Variants in CCDC9 observed in about 807,000 individuals in gnomAD.
The protein encoded by CCDC9 is coiled-coil domain-containing protein 9.
CCDC9 carries 52 observed loss-of-function variants against 65.6 expected under a neutral mutation model. The ratio of observed to expected loss-of-function variants is 0.79; its 90% CI spans 0.63 to 1.00. The LOEUF (loss-of-function observed/expected upper bound fraction) is 1.00. Ranked by LOEUF, CCDC9 falls within the 50% of genes least tolerant of loss-of-function variation. CCDC9 has a pLI of 0.00. For synonymous variants in CCDC9, 332 were observed against 280.3 expected (o/e 1.18, Z -1.84); for missense variants, 834 against 757.2 (o/e 1.10, Z -1.19).
chr19:47,258,139 C>G (rs993253986), intron 1 of CCDC9, 191 bp from the exon 2 acceptor site: 3 of 566,910 alleles, frequency 5.3e-6, no homozygotes, highest in African/African-American at 3.8e-5. Flanking sequence ...CCACAAAGAT[C>G]ATGAAAGGGC....
chr19:47,262,077 A>G (rs1263130044), intron 5 of CCDC9, among the ~76,000 whole-genome samples: 1 of 152,022 alleles, frequency 6.6e-6, no homozygotes, highest in Non-Finnish European at 1.5e-5. Context: ...TGTCACACAA[A>G]GACTCCAAAA....
intron 5 of CCDC9, among the ~76,000 whole-genome samples, chr19:47,262,363 T>C (rs1436284370): frequency 6.6e-6 from 1 of 152,026 alleles, no homozygotes; most frequent in Admixed American, 6.6e-5. Flanking sequence ...ATTACAGGTG[T>C]GCACCACCAC....
Position 47,271,274 on chromosome 19 carries a change from C to T in CCDC9, c.1192C>T (p.Pro398Ser). ...CCCTGACTTGCCTGTGTCCCCAAAGCCACCCGAGATCCCAGCTCCTGCCCA... is the reference window on the plus strand; with the variant it reads ...CCCTGACTTGCCTGTGTCCCCAAAGTCACCCGAGATCCCAGCTCCTGCCCA... The part of the protein sequence containing the change: ...ETSPKETPMQ[P>S]PEIPAPAHRP... The change falls in exon 12 of 12, where the codon CCA becomes TCA. Residue 398 changes from proline to serine, a missense_variant and splice_region_variant. Pro to Ser is a moderately conservative substitution (Grantham distance 74, BLOSUM62 -1). Coordinates refer to ENST00000221922, the MANE Select transcript of CCDC9 (RefSeq NM_015603.3). 6.2e-7 allele frequency: 1 copy of T among 1,612,088 alleles called. No individual in the cohort carries two copies. Among genetic ancestry groups the T allele is most frequent in the South Asian group, 1.1e-5 (1 of 90,714 alleles).
chr19:47,273,339 A>G (rs994565453), downstream of CCDC9: 9 of 1,229,864 alleles, frequency 7.3e-6, no homozygotes, highest in Non-Finnish European at 9.1e-6. Context: ...CCGCTGACTC[A>G]GCCCCTTCTC....
At position 47,266,736 on chromosome 19, in the gene CCDC9, C is replaced by G; in HGVS notation, c.846C>G (p.His282Gln). 1 of 1,612,146 alleles carries G rather than the reference C, an allele frequency of 6.2e-7. No individual in the cohort carries two copies. The highest frequency in any genetic ancestry group is 8.5e-7 in the Non-Finnish European group (1 of 1,179,240). Residue 282 changes from histidine to glutamine, a missense_variant, in exon 8 of 12, where the codon CAC becomes CAG. By Grantham distance (24) the His-to-Gln change is conservative. Transcript: ENST00000221922. ...TCGACCAGGAGCGGCTGCAGAGGCA[C>G]CGCAAGCCCACTGGCCAGTGGAGGC... ...EKIDQERLQRHRKPTGQWRRE... is the reference protein window; with the variant it reads ...EKIDQERLQRQRKPTGQWRRE...
chr19:47,260,454 G>A, intron 4 of CCDC9, 32 bp downstream of exon 4: 1 of 1,608,518 alleles, frequency 6.2e-7, no homozygotes, highest in South Asian at 1.1e-5. Flanking sequence ...GGGACCCTGA[G>A]GATGGGGAGG....
intron 10 of CCDC9, 150 bp downstream of exon 10, chr19:47,270,838 T>C: frequency 1.0e-6 from 1 of 995,962 alleles, no homozygotes; most frequent in Non-Finnish European, 1.4e-6. Flanking sequence ...TTTGAGGGGC[T>C]TGGGATCTGG....
At chr19:47,270,777 T>C in intron 10 of CCDC9, 89 bp downstream of exon 10, 1 of 1,388,062 alleles carries the variant, frequency 7.2e-7, no homozygotes, top group Non-Finnish European at 9.6e-7. Context: ...TGTGGGTACA[T>C]CTGTCTGTCC....
downstream of CCDC9, chr19:47,273,972 C>A: frequency 1.0e-6 from 1 of 985,040 alleles, no homozygotes; most frequent in Non-Finnish European, 1.2e-6. Flanking sequence ...GCAGGCCTCC[C>A]CGAATTCCTG....
rs199851405 is a variant in CCDC9, at chr19:47,271,648, G to A, written c.1566G>A (p.Pro522=). 87 of 1,603,278 alleles carry A rather than the reference G, an allele frequency of 5.4e-5. No individual in the cohort carries two copies. The highest frequency in any genetic ancestry group is 1.2e-4 in the South Asian group (11 of 90,574). ...CTCACCTGGCTGGCGCCCTCTCCCC[G>A]GGTGAGGCCTGGCCTTTTGAGAGTG... ...RTTHLAGALS[P]GEAWPFESV is the part of the protein sequence containing the mutation. The change falls in exon 12 of 12, where the codon CCG becomes CCA. Residue 522 remains proline, a synonymous_variant. Coordinates refer to ENST00000221922, the MANE Select transcript of CCDC9 (RefSeq NM_015603.3).
At position 47,271,157 on chromosome 19, in the gene CCDC9, C is replaced by T. The variant is rs147303084; in HGVS notation, c.1161C>T (p.Pro387=). 4.1e-5 allele frequency: 65 copies of T among 1,592,814 alleles called. No homozygotes were observed. The Middle Eastern group carries it at 5.0e-4, about 12-fold the overall frequency. Reference sequence around the variant, plus strand: ...CTGAGACTCCACAGCCTACTTCCCCCGAGACTTCCCCCAAGGAGACACCCA... The same window carrying T: ...CTGAGACTCCACAGCCTACTTCCCCTGAGACTTCCCCCAAGGAGACACCCA... The part of the protein sequence containing the change: ...PAPETPQPTS[P]ETSPKETPMQ... The change falls in exon 11 of 12, where the codon CCC becomes CCT. Residue 387 remains proline (P), a synonymous_variant. Coordinates refer to ENST00000221922, the MANE Select transcript of CCDC9 (RefSeq NM_015603.3).
downstream of CCDC9, chr19:47,273,970 C>T: frequency 7.1e-6 from 7 of 985,002 alleles, no homozygotes; most frequent in South Asian, 1.4e-4. Context: ...CCGCAGGCCT[C>T]CCCGAATTCC....
chr19:47,273,286 G>C, downstream of CCDC9: 1 of 933,188 alleles, frequency 1.1e-6, no homozygotes, highest in Non-Finnish European at 1.4e-6. Flanking sequence ...CTAGACGGGG[G>C]AGGGGTGCTG....
rs758468860 is a variant in CCDC9, at chr19:47,264,589, C to G, written c.463-14C>G. The stretch of plus-strand genomic sequence containing the variant: ...TCTCCCTGAAGCTGGGTGTCCCTAT[C>G]TTTATCCCCCCAGGAGTGGGAGGAG... On this transcript the variant is annotated splice_polypyrimidine_tract_variant and intron_variant, in intron 5 of 11. Transcript: ENST00000221922. The G allele has an allele frequency of 9.5e-6, 15 of 1,581,122 alleles. No individual in the cohort carries two copies. The highest frequency in any genetic ancestry group is 1.3e-5 in the African/African-American group (1 of 74,198).
intron 3 of CCDC9, among the ~76,000 whole-genome samples, chr19:47,259,639 T>C (rs569549977): frequency 6.6e-6 from 1 of 152,174 alleles, no homozygotes; most frequent in Non-Finnish European, 1.5e-5. Flanking sequence ...TCATTCTTCA[T>C]GTATTCATTC....
Position 47,271,743 on chromosome 19 carries a change from G to GTGTA in CCDC9, c.*65_*66insTGTA, listed in dbSNP as rs1568643076. 5.9e-5 allele frequency: 23 copies of GTGTA among 390,040 alleles called. No individual in the cohort carries two copies. Among genetic ancestry groups the GTGTA allele is most frequent in the African/African-American group, 1.0e-4 (2 of 19,702 alleles). The allele number at this position is 390,040 out of a possible 1,614,324, so 24.2% of individuals were successfully genotyped here. The stretch of plus-strand genomic sequence containing the variant: ...TGTGTGTGTGTGTGTGCGCGCGCGC[G>GTGTA]CGCGCGCGCGCGCGCGCTAGAGGGG... On this transcript the variant is annotated 3_prime_UTR_variant, in exon 12 of 12. Coordinates refer to ENST00000221922, the MANE Select transcript of CCDC9 (RefSeq NM_015603.3).
intron 8 of CCDC9, among the ~76,000 whole-genome samples, chr19:47,267,837 C>T (rs906246915): frequency 1.3e-5 from 2 of 152,016 alleles, no homozygotes; most frequent in African/African-American, 2.4e-5. Context: ...CATGCCTCAC[C>T]GTCACCTTTT....
chr19:47,260,698 A>G lies in CCDC9; in HGVS notation c.321A>G (p.Arg107=), dbSNP rs769710715. 1.3e-6 allele frequency: 2 copies of G among 1,566,480 alleles called. No individual in the cohort carries two copies. The highest frequency in any genetic ancestry group is 1.2e-5 in the South Asian group (1 of 83,556). Residue 107 remains arginine, a synonymous_variant, in exon 5 of 12, where the codon CGA becomes CGG. Coordinates refer to ENST00000221922, the MANE Select transcript of CCDC9 (RefSeq NM_015603.3). ...AGGGAGGCCGGGCCGGCATGGGCCG[A>G]GCATCGCGCAGCTGGGAGGGCAGCC... The part of the protein sequence containing the change: ...PQQGGRAGMG[R]ASRSWEGSPG...
At position 47,258,803 on chromosome 19, in the gene CCDC9, T is replaced by G. The variant is rs575252350; in HGVS notation, c.108+140T>G. On this transcript the variant is annotated intron_variant, in intron 3 of 11. Coordinates refer to ENST00000221922, the MANE Select transcript of CCDC9 (RefSeq NM_015603.3). Reference sequence around the variant, plus strand: ...GCCAAAGGCCTTAGCCTGACATCCCTTCTTTCATTCCATTATTCATTCATT... The same window carrying G: ...GCCAAAGGCCTTAGCCTGACATCCCGTCTTTCATTCCATTATTCATTCATT... The G allele has an allele frequency of 6.2e-6, 4 of 645,936 alleles. No homozygotes were observed. The East Asian group carries it at 1.1e-4, about 18-fold the overall frequency. The allele number at this position is 645,936 out of a possible 1,614,324, so 40.0% of individuals were successfully genotyped here.
Sources: allele counts gnomAD v4.1 joint callset (sites outside exome capture counted in the v4.1 genomes callset), GRCh38; gene constraint gnomAD v4.1.1; transcripts MANE v1.5; gene names NCBI Gene and HGNC (gene_info 2026-07-23, HGNC 2026-07-21).